The following AARS1 variants were observed in gnomAD, a reference collection of about 807,000 sequenced individuals.
AARS1 encodes the protein alanine--tRNA ligase, cytoplasmic.
A neutral mutation model predicts 108.9 loss-of-function variants in AARS1; 72 were observed. The ratio of observed to expected loss-of-function variants is 0.66; its 90% CI spans 0.55 to 0.80. The LOEUF is 0.80. Ranked by LOEUF, AARS1 falls within the 30% of genes least tolerant of loss-of-function variation. AARS1 has a pLI of 0.00. For synonymous variants in AARS1, 489 were observed against 465.7 expected (o/e 1.05, Z -0.64); for missense variants, 1,193 against 1,233.2 (o/e 0.97, Z 0.49).
At chr16:70,263,498 G>C (rs1005498249) in intron 11 of AARS1, among the ~76,000 whole-genome samples, 3 of 151,664 alleles carry the variant, frequency 2.0e-5, no homozygotes, top group Non-Finnish European at 4.4e-5. Context: ...TTCAAGCTGG[G>C]AGGCAGAAGT....
chr16:70,259,743 C>T (rs750229717), intron 13 of AARS1, among the ~76,000 whole-genome samples: 34 of 151,940 alleles, frequency 2.2e-4, no homozygotes, highest in Non-Finnish European at 3.8e-4. Context: ...ACCTCAGCCT[C>T]CCCAAATGTA....
At chr16:70,254,329 G>T in intron 17 of AARS1, 1 of 584,210 alleles carries the variant, frequency 1.7e-6, no homozygotes, top group Non-Finnish European at 3.0e-6. Flanking sequence ...ATACCAGGCA[G>T]GCTTGGAAGC....
At chr16:70,287,158 G>C (rs1049810474) in intron 1 of AARS1, among the ~76,000 whole-genome samples, 9 of 150,838 alleles carry the variant, frequency 6.0e-5, no homozygotes, top group Non-Finnish European at 1.2e-4. Context: ...GGGAGGCTGA[G>C]GCAGGAGAAT....
rs187627813 is a variant in AARS1 at position 70,259,287 on chromosome 16, T to C, written c.1786-101A>G. 5.4e-5 allele frequency: 66 copies of C among 1,225,124 alleles called. 1 individual carries two copies. The Admixed American group carries it at 1.1e-3, about 21-fold the overall frequency. 75.9% of individuals were successfully genotyped at this position (1,225,124 alleles called of 1,614,324 possible). On this transcript the variant is annotated intron_variant, in intron 13 of 20. Transcript: ENST00000261772. ...GTGCTACAATTTTTAGTTGGAAATA[T>C]GGCTGTGCAGAATAAAGGTTACATT...
At chr16:70,269,553 A>G in intron 7 of AARS1, 65 bp downstream of exon 7, 1 of 1,603,150 alleles carries the variant, frequency 6.2e-7, no homozygotes, top group Admixed American at 1.7e-5. Context: ...GAAAAGTTTC[A>G]TAAAGAGTCA....
intron 5 of AARS1, among the ~76,000 whole-genome samples, chr16:70,270,986 C>A (rs1278536729): frequency 6.7e-6 from 1 of 149,410 alleles, no homozygotes; most frequent in Non-Finnish European, 1.5e-5. Context: ...CCATCCCTGC[C>A]AAAAATATTT....
At chr16:70,277,554 G>GA (rs569193041) in intron 2 of AARS1, among the ~76,000 whole-genome samples, 11 of 151,148 alleles carry the variant, frequency 7.3e-5, no homozygotes, top group East Asian at 5.8e-4. Context: ...TGAGGAAGAA[G>GA]AAAAAAAAAC....
chr16:70,258,436 G>A (rs1276625469), intron 14 of AARS1, among the ~76,000 whole-genome samples: 1 of 152,228 alleles, frequency 6.6e-6, no homozygotes, highest in African/African-American at 2.4e-5. Flanking sequence ...AATCTCATAT[G>A]TGAACAGACT....
intron 1 of AARS1, among the ~76,000 whole-genome samples, chr16:70,287,652 AG>A (rs1456693371): frequency 6.6e-6 from 1 of 151,896 alleles, no homozygotes; most frequent in Non-Finnish European, 1.5e-5. Flanking sequence ...CTGAGTCCAA[AG>A]GGTCGCTTGA....
At chr16:70,285,085 C>T (rs1567613610) in intron 1 of AARS1, among the ~76,000 whole-genome samples, 2 of 152,046 alleles carry the variant, frequency 1.3e-5, no homozygotes, top group Non-Finnish European at 2.9e-5. Context: ...AAAAATTAGC[C>T]GGGAATGATG....
In AARS1 at chr16:70,267,711, A is replaced by T; in HGVS notation, c.1170T>A (p.Arg390=). 6.2e-7 allele frequency: 1 copy of T among 1,614,090 alleles called. No individual in the cohort carries two copies. The highest frequency in any genetic ancestry group is 8.5e-7 in the Non-Finnish European group (1 of 1,180,008). ...VQFLKTLSRG[R]RILDRKIQSL... ...TCTGAATTTTCCTGTCCAGGATGCG[A>T]CGCCCTCTGCTGAGAGTCTTGAGAA... is the stretch of plus-strand genomic sequence containing the variant. Residue 390 remains arginine (R), a synonymous_variant, in exon 9 of 21, where the codon CGT becomes CGA. Transcript: ENST00000261772.
chr16:70,285,094 T>C (rs1467348055), intron 1 of AARS1, among the ~76,000 whole-genome samples: 1 of 152,186 alleles, frequency 6.6e-6, no homozygotes, highest in African/African-American at 2.4e-5. Context: ...CCGGGAATGA[T>C]GGCGAGTGCC....
intron 3 of AARS1, 36 bp from the exon 4 acceptor site, chr16:70,276,667 G>A (rs374040430): frequency 1.2e-6 from 2 of 1,611,000 alleles, no homozygotes; most frequent in African/African-American, 2.7e-5. Flanking sequence ...ATGGAACATT[G>A]CCAAACCAAA....
intron 20 of AARS1, 89 bp downstream of exon 20, chr16:70,253,179 G>C: frequency 8.7e-7 from 1 of 1,150,986 alleles, no homozygotes; most frequent in South Asian, 1.3e-5. Flanking sequence ...TGGGCAGAAA[G>C]GCTGTTTCGA....
chr16:70,283,438 G>A (rs750485006), intron 1 of AARS1, among the ~76,000 whole-genome samples: 8 of 151,938 alleles, frequency 5.3e-5, no homozygotes, highest in Non-Finnish European at 1.2e-4. Flanking sequence ...AAAAAAAGGG[G>A]GAGAAAAACC....
rs149777415 is a variant in AARS1 at position 70,258,200 on chromosome 16, A to G, written c.2010T>C (p.Asp670=). The change falls in exon 15 of 21, where the codon GAT becomes GAC. Residue 670 remains aspartate (D), a synonymous_variant. Coordinates refer to ENST00000261772, the MANE Select transcript of AARS1 (RefSeq NM_001605.3). ...TGGCTTTCGCTGCTGCCAGGGGGCA[A>G]TCCTGGGTATAGACGGCCTGCCAGA... ...IEAAKAVYTQ[D]CPLAAAKAIQ... is the part of the protein sequence containing the mutation. 2.5e-6 allele frequency: 4 copies of G among 1,597,444 alleles called. No individual in the cohort carries two copies. In the African/African-American group the frequency reaches 4.0e-5, roughly 16 times the overall value.
chr16:70,276,174 C>T, intron 4 of AARS1: 1 of 181,216 alleles, frequency 5.5e-6, no homozygotes, highest in Non-Finnish European at 1.2e-5. Context: ...GAGGTCGTGC[C>T]ACTGCACTCC....
chr16:70,253,186 T>A, intron 20 of AARS1, 82 bp downstream of exon 20: 1 of 1,224,332 alleles, frequency 8.2e-7, no homozygotes, highest in Non-Finnish European at 1.2e-6. Flanking sequence ...AAAGGCTGTT[T>A]CGAATGCAGG....
chr16:70,267,625 G>T, intron 9 of AARS1, 34 bp downstream of exon 9: 1 of 1,613,828 alleles, frequency 6.2e-7, no homozygotes, highest in South Asian at 1.1e-5. Context: ...AGATCAAACG[G>T]CCAGGATGGA....
Sources: allele counts gnomAD v4.1 joint callset (sites outside exome capture counted in the v4.1 genomes callset), GRCh38; gene constraint gnomAD v4.1.1; transcripts MANE v1.5; gene names NCBI Gene and HGNC (gene_info 2026-07-23, HGNC 2026-07-21).